The following PHIP variants were observed in gnomAD, a reference collection of about 807,000 sequenced individuals.
The protein encoded by PHIP is PHIP subunit of CUL4-Ring ligase complex, also known as PH-interacting protein.
In PHIP, 54 loss-of-function variants were observed where a neutral mutation model predicts 236.8. That is an observed-to-expected ratio of 0.23 (90% CI 0.18 to 0.29). PHIP has a LOEUF of 0.29. PHIP is among the 10% of genes least tolerant of loss of function. PHIP has a pLI of 1.00. For synonymous variants in PHIP, 756 were observed against 718.9 expected, an observed-to-expected ratio of 1.05 and a Z score of -0.83; for missense variants, 1,370 against 2,190.8, an observed-to-expected ratio of 0.63 and a Z score of 7.48.
intron 4 of PHIP, among the ~76,000 whole-genome samples, chr6:79,064,555 T>C (rs1773531503): frequency 6.6e-6 from 1 of 152,208 alleles, no homozygotes. Flanking sequence ...TTTTTAAATC[T>C]ATACCTTATT....
chr6:79,007,306 C>A (rs1435458035), intron 15 of PHIP, among the ~76,000 whole-genome samples: 1 of 152,032 alleles, frequency 6.6e-6, no homozygotes, highest in Non-Finnish European at 1.5e-5. Context: ...AGACCCAAGA[C>A]ATCTCTCCAT....
chr6:79,072,100 G>A (rs1773911782), intron 4 of PHIP, among the ~76,000 whole-genome samples: 1 of 152,266 alleles, frequency 6.6e-6, no homozygotes, highest in East Asian at 1.9e-4. Flanking sequence ...CAGAAGTCAA[G>A]ACATCTCTTC....
chr6:78,989,672 CTTTTA>C (rs1313001208), intron 20 of PHIP, among the ~76,000 whole-genome samples: 1 of 152,044 alleles, frequency 6.6e-6, no homozygotes, highest in Non-Finnish European at 1.5e-5. Flanking sequence ...CATATCATTC[CTTTTA>C]TTTCTTAAAA....
intron 3 of PHIP, 39 bp from the exon 4 acceptor site, chr6:79,077,546 C>CCCCGGCT: frequency 7.7e-7 from 1 of 1,303,080 alleles, no homozygotes; most frequent in Non-Finnish European, 1.0e-6. Flanking sequence ...GGCCCCCGGC[C>CCCCGGCT]CCTACCCGCC....
At chr6:79,036,406 CT>C (rs1562197651) in intron 7 of PHIP, among the ~76,000 whole-genome samples, 1 of 130,650 alleles carries the variant, frequency 7.7e-6, no homozygotes, top group Non-Finnish European at 1.8e-5. Flanking sequence ...AATGACCATA[CT>C]CTGCCTCTTT....
In PHIP at chr6:79,042,946, G is replaced by C. The variant is rs1416671259; in HGVS notation, c.497C>G (p.Pro166Arg). Reference sequence around the variant, plus strand: ...TTTCATGTGCTGATACACTGCAGTTGGAACAAGTCGCTCAAGTCTGTATTT... The same window carrying C: ...TTTCATGTGCTGATACACTGCAGTTCGAACAAGTCGCTCAAGTCTGTATTT... ...NGKYRLERLVPTAVYQHMKMH... is the reference protein window; with the variant it reads ...NGKYRLERLVRTAVYQHMKMH... The change falls in exon 7 of 40, where the codon CCA becomes CGA. Residue 166 changes from proline to arginine, a missense_variant. By Grantham distance (103) the Pro-to-Arg change is moderately radical (BLOSUM62 -2). Transcript: ENST00000275034. 1 of 1,612,242 alleles carries C rather than the reference G, an allele frequency of 6.2e-7. No individual in the cohort carries two copies.
intron 39 of PHIP, among the ~76,000 whole-genome samples, chr6:78,942,263 A>T (rs1427750505): frequency 6.6e-6 from 1 of 152,194 alleles, no homozygotes; most frequent in Admixed American, 6.5e-5. Flanking sequence ...TGGGCGGATC[A>T]CCTGAGGTCA....
intron 15 of PHIP, among the ~76,000 whole-genome samples, chr6:79,005,312 T>C (rs1770228140): frequency 6.6e-6 from 1 of 151,830 alleles, no homozygotes; most frequent in Non-Finnish European, 1.5e-5. Context: ...CAAGAAAGAA[T>C]ATAACTATTT....
chr6:78,948,293 C>T (rs1424848877), intron 35 of PHIP, among the ~76,000 whole-genome samples: 1 of 151,948 alleles, frequency 6.6e-6, no homozygotes, highest in Non-Finnish European at 1.5e-5. Context: ...TAAAGAATTA[C>T]GAATGTAAAT....
intron 7 of PHIP, among the ~76,000 whole-genome samples, chr6:79,029,182 C>G (rs1339672236): frequency 6.6e-6 from 1 of 151,946 alleles, no homozygotes; most frequent in African/African-American, 2.4e-5. Context: ...AATTTTTGAC[C>G]ATCCTTTCAC....
At chr6:79,014,943 A>T (rs1231396786) in intron 15 of PHIP, 139 bp downstream of exon 15, 1 of 626,558 alleles carries the variant, frequency 1.6e-6, no homozygotes, top group Non-Finnish European at 2.7e-6. Flanking sequence ...TGTGGAATAA[A>T]TCATTCTTTA....
chr6:78,970,297 A>C (rs1050729872), intron 25 of PHIP, 124 bp from the exon 26 acceptor site: 3 of 729,916 alleles, frequency 4.1e-6, no homozygotes, highest in Non-Finnish European at 6.7e-6. Flanking sequence ...GACTGTGTAC[A>C]TGTAAAAATT....
At chr6:78,979,613 G>C (rs568100092) in intron 23 of PHIP, among the ~76,000 whole-genome samples, 211 of 152,030 alleles carry the variant, frequency 1.4e-3, no homozygotes, top group African/African-American at 4.8e-3. Context: ...TGGCCACAAT[G>C]GTCTTGATGT....
chr6:78,997,295 C>G (rs1335099386), intron 19 of PHIP, 119 bp downstream of exon 19: 3 of 728,034 alleles, frequency 4.1e-6, no homozygotes, highest in Non-Finnish European at 7.0e-6. Flanking sequence ...ATAGTTTATA[C>G]TGCCCTTCCA....
chr6:79,042,807 T>C, intron 7 of PHIP, 36 bp downstream of exon 7: 2 of 1,454,346 alleles, frequency 1.4e-6, no homozygotes, highest in Non-Finnish European at 1.9e-6. Flanking sequence ...CTCAATTACA[T>C]ATATGAATAT....
intron 35 of PHIP, 63 bp downstream of exon 35, chr6:78,954,751 A>G: frequency 1.0e-6 from 1 of 969,450 alleles, no homozygotes; most frequent in South Asian, 1.7e-5. Flanking sequence ...AAAATAGCCA[A>G]CTGTCATGTA....
chr6:78,937,376 A>G lies in PHIP; in HGVS notation c.*3317T>C, dbSNP rs1028355793. 1 of 151,758 alleles carries G rather than the reference A, an allele frequency of 6.6e-6. No homozygotes were observed. The highest frequency in any genetic ancestry group is 6.6e-5 in the Admixed American group (1 of 15,250). The allele number at this position is 151,758 out of a possible 1,614,324, so 9.4% of individuals were successfully genotyped here. A position where few individuals can be genotyped will look rare whatever the true frequency, so the allele number is the denominator to read the frequency against. ...CATGTAAATGCTGCTAACATATAAG[A>G]TAAAAATATTTGAATACATTTCTTA... On this transcript the variant is annotated 3_prime_UTR_variant, in exon 40 of 40. Coordinates refer to ENST00000275034, the MANE Select transcript of PHIP (RefSeq NM_017934.7).
intron 6 of PHIP, among the ~76,000 whole-genome samples, chr6:79,044,592 G>C (rs931411478): frequency 7.2e-5 from 11 of 152,230 alleles, no homozygotes; most frequent in Middle Eastern, 6.8e-3. Context: ...GCTGTCTGTT[G>C]TAAGAAAATA....
intron 12 of PHIP, 96 bp from the exon 13 acceptor site, chr6:79,016,738 A>G (rs1770849201): frequency 2.8e-6 from 2 of 706,700 alleles, no homozygotes; most frequent in Admixed American, 4.9e-5. Context: ...GACAGCATTC[A>G]TCTTTATTTA....
Sources: gnomAD v4.1 joint callset for allele counts (sites outside exome capture counted in the v4.1 genomes callset) on GRCh38, gnomAD v4.1.1 for gene constraint, MANE v1.5 for transcripts, NCBI Gene and HGNC (gene_info 2026-07-23, HGNC 2026-07-21) for gene names.